The following GPR63 variants were observed in gnomAD, a reference collection of about 807,000 sequenced individuals.
GPR63 encodes G protein-coupled receptor 63.
In GPR63, 12 loss-of-function variants were observed where a neutral mutation model predicts 23.1. The observed-to-expected ratio is 0.52, with a 90% CI of 0.33 to 0.84. The LOEUF is 0.84. Among genes scored for constraint, GPR63 ranks in the 40% least tolerant of loss-of-function variants. The probability of loss-of-function intolerance (pLI) is 0.02; values close to 1 mark genes in which losing one functional copy is unlikely to be tolerated. For missense variants in GPR63, 472 were observed against 515.6 expected, an observed-to-expected ratio of 0.92 and a Z score of 0.82; for synonymous variants, 172 against 191.1, an observed-to-expected ratio of 0.90 and a Z score of 0.82.
At chr6:96,818,045 G>A (rs1191553064) in intron 1 of GPR63, among the ~76,000 whole-genome samples, 1 of 151,716 alleles carries the variant, frequency 6.6e-6, no homozygotes, top group East Asian at 1.9e-4. Flanking sequence ...GCAATCTATA[G>A]ATTCACAGCA....
chr6:96,800,039 T>A (rs1773722128), intron 1 of GPR63, among the ~76,000 whole-genome samples, 158 bp from the exon 2 acceptor site: 1 of 152,222 alleles, frequency 6.6e-6, no homozygotes, highest in Non-Finnish European at 1.5e-5. Context: ...AAAATATCGT[T>A]CTGTTATTTT....
chr6:96,811,079 G>C (rs1483453359), intron 1 of GPR63, among the ~76,000 whole-genome samples: 1 of 152,148 alleles, frequency 6.6e-6, no homozygotes, highest in Admixed American at 6.6e-5. Flanking sequence ...TGCAGGACCT[G>C]GGTTCAAGCT....
At chr6:96,813,921 CTGA>C (rs1774101345) in intron 1 of GPR63, among the ~76,000 whole-genome samples, 2 of 151,926 alleles carry the variant, frequency 1.3e-5, no homozygotes, top group Non-Finnish European at 2.9e-5. Context: ...ATAAGACTAC[CTGA>C]TGATACTAAA....
Position 96,799,482 on chromosome 6 carries a change from G to A in GPR63, c.250C>T (p.Leu84Phe), listed in dbSNP as rs1165459956. 1 of 1,614,136 alleles carries A rather than the reference G, an allele frequency of 6.2e-7. No homozygotes were observed. Residue 84 changes from leucine to phenylalanine, a missense_variant, in exon 2 of 2, where the codon CTT becomes TTT. Leu to Phe is a conservative substitution (Grantham distance 22). Coordinates refer to ENST00000229955, the MANE Select transcript of GPR63 (RefSeq NM_030784.4). The part of the protein sequence containing the change: ...KSLNLPLQIT[L>F]SAIMIFILFV... ...AGAATGAATATCATTATAGCAGAAA[G>A]GGTGATCTGAAGAGGCAAGTTTAGG... is the stretch of plus-strand genomic sequence containing the variant.
chr6:96,798,915 C>G lies in GPR63; in HGVS notation c.817G>C (p.Ala273Pro). 1 of 1,614,144 alleles carries G rather than the reference C, an allele frequency of 6.2e-7. No individual in the cohort carries two copies. The highest frequency in any genetic ancestry group is 8.5e-7 in the Non-Finnish European group (1 of 1,180,038). The change falls in exon 2 of 2, where the codon GCC (alanine) becomes CCC (proline). Residue 273 changes from alanine (A) to proline (P), a missense_variant. Ala to Pro is a conservative substitution (Grantham distance 27, BLOSUM62 -1). Transcript: ENST00000229955. ...MGILNTLRHN[A>P]LRIHSYPEGI... ...TCAGGGTAGCTATGGATCCTCAAGG[C>G]ATTGTGCCGAAGGGTGTTGAGTATG...
At chr6:96,804,569 G>A (rs1261242074) in intron 1 of GPR63, among the ~76,000 whole-genome samples, 1 of 151,974 alleles carries the variant, frequency 6.6e-6, no homozygotes, top group Non-Finnish European at 1.5e-5. Flanking sequence ...AAAATAATTA[G>A]ATAAGTTTTA....
At chr6:96,826,174 T>C (rs1048612456) in intron 1 of GPR63, among the ~76,000 whole-genome samples, 13 of 152,206 alleles carry the variant, frequency 8.5e-5, no homozygotes, top group Admixed American at 3.9e-4. Context: ...CTGTGAACCA[T>C]GGGTGGCTTT....
At chr6:96,816,518 T>C (rs1774169091) in intron 1 of GPR63, among the ~76,000 whole-genome samples, 1 of 152,170 alleles carries the variant, frequency 6.6e-6, no homozygotes, top group South Asian at 2.1e-4. Flanking sequence ...TGAAGACATC[T>C]GAGAGCCACC....
intron 1 of GPR63, among the ~76,000 whole-genome samples, chr6:96,835,852 T>C (rs1774713316): frequency 6.6e-6 from 1 of 152,208 alleles, no homozygotes; most frequent in Non-Finnish European, 1.5e-5. Context: ...AAACAATATG[T>C]TTCCTACACT....
intron 1 of GPR63, among the ~76,000 whole-genome samples, chr6:96,824,865 A>T (rs912980850): frequency 6.6e-6 from 1 of 152,134 alleles, no homozygotes; most frequent in African/African-American, 2.4e-5. Context: ...TTAAAGCAAC[A>T]CTAAAAGCTT....
intron 1 of GPR63, among the ~76,000 whole-genome samples, chr6:96,809,379 A>G (rs1318999676): frequency 6.6e-6 from 1 of 152,178 alleles, no homozygotes; most frequent in East Asian, 1.9e-4. Flanking sequence ...TAGGAGCACC[A>G]CATTACAACT....
intron 1 of GPR63, among the ~76,000 whole-genome samples, chr6:96,815,418 G>C (rs189578527): frequency 7.9e-5 from 12 of 152,036 alleles, no homozygotes; most frequent in African/African-American, 2.2e-4. Flanking sequence ...CCAGGGACTG[G>C]GGAGAGGGAG....
chr6:96,800,045 A>G (rs1215351459), intron 1 of GPR63, among the ~76,000 whole-genome samples, 164 bp from the exon 2 acceptor site: 1 of 152,188 alleles, frequency 6.6e-6, no homozygotes, highest in African/African-American at 2.4e-5. Flanking sequence ...TCGTTCTGTT[A>G]TTTTATCTTT....
At chr6:96,836,189 G>GA (rs990783528) in intron 1 of GPR63, among the ~76,000 whole-genome samples, 2 of 151,564 alleles carry the variant, frequency 1.3e-5, no homozygotes, top group South Asian at 2.1e-4. Context: ...GGACACGTGG[G>GA]AAAAAAAACT....
Position 96,837,467 on chromosome 6 carries a change from G to T in GPR63, c.-350C>A. ...ATACAGGCGGCGGTGGCGGGAGCTG[G>T]AGCTGAAAGTGAGGAGCATCGCGGA... On this transcript the variant is annotated 5_prime_UTR_variant, in exon 1 of 2. Coordinates refer to ENST00000229955, the MANE Select transcript of GPR63 (RefSeq NM_030784.4). 6.5e-6 allele frequency: 1 copy of T among 153,570 alleles called. No individual in the cohort carries two copies. Among genetic ancestry groups the T allele is most frequent in the South Asian group, 1.9e-4 (1 of 5,174 alleles). The allele number at this position is 153,570 out of a possible 1,614,324, so 9.5% of individuals were successfully genotyped here. A position where few individuals can be genotyped will look rare whatever the true frequency, so the allele number is the denominator to read the frequency against.
chr6:96,814,408 T>C (rs763387923), intron 1 of GPR63, among the ~76,000 whole-genome samples: 6 of 152,190 alleles, frequency 3.9e-5, no homozygotes, highest in Non-Finnish European at 8.8e-5. Context: ...TTCTTAAATG[T>C]CTACCATGTA....
chr6:96,798,493 C>G lies in GPR63; in HGVS notation c.1239G>C (p.Gly413=), dbSNP rs1390740069. The change falls in exon 2 of 2, where the codon GGG becomes GGC. Residue 413 remains glycine (G), a synonymous_variant. Transcript: ENST00000229955. The part of the protein sequence containing the change: ...RIRPSAVYVC[G]EHRTVV Reference sequence around the variant, plus strand: ...ATATTCACACCACCGTCCGATGTTCCCCACACACATAGACAGCACTAGGAC... The same window carrying G: ...ATATTCACACCACCGTCCGATGTTCGCCACACACATAGACAGCACTAGGAC... The G allele has an allele frequency of 6.2e-7, 1 of 1,613,730 alleles. No homozygotes were observed. The highest frequency in any genetic ancestry group is 2.2e-5 in the East Asian group (1 of 44,874).
intron 1 of GPR63, among the ~76,000 whole-genome samples, chr6:96,830,880 T>C (rs33970718): frequency 0.28 from 42,338 of 151,830 alleles, 5,916 homozygotes; most frequent in South Asian, 0.31. Flanking sequence ...GTAGCCAGAG[T>C]GATACTCAAC....
At chr6:96,824,052 A>AGT (rs980963899) in intron 1 of GPR63, among the ~76,000 whole-genome samples, 2 of 137,260 alleles carry the variant, frequency 1.5e-5, no homozygotes, top group African/African-American at 5.4e-5. Flanking sequence ...GCTCTATGAT[A>AGT]GTATGGTATT....
Sources: gnomAD v4.1 joint callset for allele counts (sites outside exome capture counted in the v4.1 genomes callset) on GRCh38, gnomAD v4.1.1 for gene constraint, MANE v1.5 for transcripts, NCBI Gene and HGNC (gene_info 2026-07-23, HGNC 2026-07-21) for gene names.